Variants in MAOA observed in about 807,000 individuals in gnomAD.
MAOA encodes the protein monoamine oxidase A.
In MAOA, 6 loss-of-function variants were observed where a neutral mutation model predicts 42.0. The observed-to-expected ratio is 0.14, with a 90% CI of 0.08 to 0.28. The LOEUF is 0.28. Among genes scored for constraint, MAOA ranks in the 10% least tolerant of loss-of-function variants. The probability of loss-of-function intolerance (pLI) is 1.00; values close to 1 mark genes in which losing one functional copy is unlikely to be tolerated. For synonymous variants in MAOA, 140 were observed against 154.0 expected (o/e 0.91, Z 0.67); for missense variants, 262 against 422.3 (o/e 0.62, Z 3.33).
intron 3 of MAOA, 81 bp from the exon 4 acceptor site, chrX:43,711,791 T>G: frequency 2.7e-6 from 2 of 739,062 alleles, no homozygotes; most frequent in Non-Finnish European, 4.2e-6. Context: ...TTAGGTTGGT[T>G]GCTTTTTTGT....
chrX:43,709,722 G>T (rs2033685700), intron 3 of MAOA, among the ~76,000 whole-genome samples: 1 of 111,324 alleles, frequency 9.0e-6, no homozygotes, highest in Admixed American at 9.6e-5. Context: ...CTTAACCTCA[G>T]CCCCTCTCTT....
chrX:43,732,917 A>G (rs1439368580), intron 9 of MAOA, 122 bp downstream of exon 9: 2 of 542,603 alleles, frequency 3.7e-6, no homozygotes, highest in Non-Finnish European at 6.7e-6. Flanking sequence ...ATCAAAATAT[A>G]TAATGTTTCC....
rs373791136 is a variant in MAOA at position 43,731,369 on chromosome X, G to A, written c.774G>A (p.Thr258=). The A allele has an allele frequency of 9.8e-5, 118 of 1,208,916 alleles. No individual in the cohort carries two copies. The highest frequency in any genetic ancestry group is 1.9e-4 in the South Asian group (11 of 56,791). ...CAAGTGACAACATCATCATAGAGACGCTGAACCATGAACATTATGAGGTAA... is the reference window on the plus strand; with the variant it reads ...CAAGTGACAACATCATCATAGAGACACTGAACCATGAACATTATGAGGTAA... ...DQSSDNIIIE[T]LNHEHYECKY... Residue 258 remains threonine (T), a synonymous_variant, in exon 7 of 15, where the codon ACG becomes ACA. Transcript: ENST00000338702.
chrX:43,684,916 C>T (rs376366604), intron 2 of MAOA, among the ~76,000 whole-genome samples: 5 of 82,040 alleles, frequency 6.1e-5, no homozygotes, highest in East Asian at 3.8e-4. Context: ...TTGCTCTTGT[C>T]GCCCAGGCTA....
chrX:43,678,530 A>G (rs757081339), intron 1 of MAOA, among the ~76,000 whole-genome samples: 1 of 112,307 alleles, frequency 8.9e-6, no homozygotes, highest in Admixed American at 9.5e-5. Flanking sequence ...TTACAAAAAA[A>G]TGCTCAATAA....
intron 1 of MAOA, among the ~76,000 whole-genome samples, chrX:43,676,321 G>C (rs2033395837): frequency 1.8e-5 from 2 of 111,810 alleles, no homozygotes; most frequent in South Asian, 7.4e-4. Context: ...GGGTGGGAGT[G>C]ACCCGATTTT....
intron 5 of MAOA, among the ~76,000 whole-genome samples, chrX:43,717,167 G>C (rs1041665316): frequency 9.0e-6 from 1 of 110,790 alleles, no homozygotes; most frequent in Non-Finnish European, 1.9e-5. Context: ...GGATAGTGTT[G>C]AAGGGGTTAT....
chrX:43,734,644 A>G (rs2033907257), intron 9 of MAOA, among the ~76,000 whole-genome samples: 1 of 112,238 alleles, frequency 8.9e-6, no homozygotes, highest in Admixed American at 9.5e-5. Context: ...AACTTTTGGA[A>G]ACTAGAAAGG....
intron 5 of MAOA, among the ~76,000 whole-genome samples, chrX:43,719,216 G>A (rs1317059834): frequency 1.8e-5 from 2 of 111,219 alleles, no homozygotes; most frequent in Non-Finnish European, 3.8e-5. Context: ...ATATCATCTC[G>A]AAATGACCCA....
At chrX:43,660,254 C>T (rs757089036) in intron 1 of MAOA, among the ~76,000 whole-genome samples, 1 of 111,343 alleles carries the variant, frequency 9.0e-6, no homozygotes. Context: ...AGCTCTTGAC[C>T]CCTGAAGCTA....
intron 1 of MAOA, among the ~76,000 whole-genome samples, chrX:43,656,740 C>T (rs1265442924): frequency 1.8e-5 from 2 of 111,010 alleles, no homozygotes; most frequent in African/African-American, 6.6e-5. Flanking sequence ...TAAATTCATC[C>T]CCGTTTTGCA....
chrX:43,715,819 T>C (rs2033738803), intron 5 of MAOA, among the ~76,000 whole-genome samples: 1 of 109,350 alleles, frequency 9.1e-6, no homozygotes, highest in Admixed American at 9.7e-5. Flanking sequence ...GGGGAGGGCA[T>C]GTTACTTCTC....
At chrX:43,703,060 TA>T (rs373351829) in intron 3 of MAOA, among the ~76,000 whole-genome samples, 8,752 of 107,816 alleles carry the variant, frequency 0.081, 914 homozygotes, top group African/African-American at 0.28. Flanking sequence ...ATCTGTAGAT[TA>T]AAAAAAAAAT....
chrX:43,678,025 T>A (rs1295215672), intron 1 of MAOA, among the ~76,000 whole-genome samples: 1 of 112,060 alleles, frequency 8.9e-6, no homozygotes, highest in Non-Finnish European at 1.9e-5. Context: ...ATCTCCTACA[T>A]CCCAATGATG....
intron 1 of MAOA, among the ~76,000 whole-genome samples, chrX:43,659,681 A>G (rs1448815372): frequency 1.8e-5 from 2 of 111,118 alleles, no homozygotes; most frequent in African/African-American, 6.6e-5. Context: ...TGGGTATTTC[A>G]CGATTGAACA....
intron 6 of MAOA, 45 bp from the exon 7 acceptor site, chrX:43,731,196 T>C: frequency 8.4e-7 from 1 of 1,186,901 alleles, no homozygotes; most frequent in Middle Eastern, 2.3e-4. Context: ...TTTTCCTTCC[T>C]TGGGCTTTCA....
At chrX:43,699,091 A>T (rs1188411688) in intron 3 of MAOA, among the ~76,000 whole-genome samples, 3 of 111,120 alleles carry the variant, frequency 2.7e-5, no homozygotes, top group Non-Finnish European at 5.7e-5. Flanking sequence ...AGCCCGGGCA[A>T]CATAGTGAGG....
chrX:43,692,035 A>ACACACG lies in MAOA; in HGVS notation c.169-1253_169-1252insACGCAC, dbSNP rs1555945526. Among the ~76,000 whole-genome samples the ACACACG allele has an allele frequency of 1.3e-4, 12 of 89,995 alleles. No homozygotes were observed. In the Admixed American group the frequency reaches 1.4e-3, roughly 11 times the overall value. The allele number at this position is 89,995 out of a possible 115,157, so 78.1% of individuals were successfully genotyped here. A position where few individuals can be genotyped will look rare whatever the true frequency, so the allele number is the denominator to read the frequency against. The stretch of plus-strand genomic sequence containing the variant: ...CACACACACACACACACACACACAC[A>ACACACG]CACGCACGCACACATCTTTAAAGCA... On this transcript the variant is annotated intron_variant, in intron 2 of 14. Transcript: ENST00000338702.
chrX:43,675,148 G>T (rs933041359), intron 1 of MAOA, among the ~76,000 whole-genome samples: 51 of 111,201 alleles, frequency 4.6e-4, no homozygotes, highest in Admixed American at 1.6e-3. Context: ...TTCTTTTTAT[G>T]CTTTTTTCTC....
Sources: gnomAD v4.1 joint callset for allele counts (sites outside exome capture counted in the v4.1 genomes callset) on GRCh38, gnomAD v4.1.1 for gene constraint, MANE v1.5 for transcripts, NCBI Gene and HGNC (gene_info 2026-07-23, HGNC 2026-07-21) for gene names.